ZNF446: variants seen among roughly 807,000 people sequenced by gnomAD.
The protein encoded by ZNF446 is zinc finger protein 446.
In ZNF446, 42 loss-of-function variants were observed where a neutral mutation model predicts 34.0. The observed-to-expected ratio is 1.23, with a 90% CI of 0.96 to 1.60. The LOEUF (loss-of-function observed/expected upper bound fraction) is 1.60. Ranked by LOEUF, ZNF446 falls within the 40% of genes most tolerant of loss-of-function variation. The pLI, the probability that ZNF446 is intolerant of heterozygous loss-of-function variation, is 0.00. For synonymous variants in ZNF446, 315 were observed against 251.0 expected (o/e 1.25, Z -2.41); for missense variants, 650 against 600.2 (o/e 1.08, Z -0.87).
downstream of ZNF446, among the ~76,000 whole-genome samples, chr19:58,484,272 A>T (rs1010278967): frequency 1.0e-4 from 8 of 80,190 alleles, no homozygotes; most frequent in Non-Finnish European, 2.1e-4. Context: ...CCCCATCTCT[A>T]AAAAAAAAAA....
chr19:58,488,710 G>C, the ZNF446 span, among the ~76,000 whole-genome samples: 3 of 151,904 alleles, frequency 2.0e-5, no homozygotes, highest in Non-Finnish European at 2.9e-5. Flanking sequence ...AATTAGCCGA[G>C]CTTGGTAGCA....
At chr19:58,489,530 C>T in the ZNF446 span, among the ~76,000 whole-genome samples, 2 of 152,190 alleles carry the variant, frequency 1.3e-5, no homozygotes, top group African/African-American at 4.8e-5. Flanking sequence ...CCTTGTCTCC[C>T]GCACAGCTGG....
At chr19:58,476,664 A>G (rs1014808669) in intron 1 of ZNF446, among the ~76,000 whole-genome samples, 160 bp downstream of exon 1, 33 of 152,106 alleles carry the variant, frequency 2.2e-4, no homozygotes, top group Middle Eastern at 3.4e-3. Context: ...CGCTGTGGTC[A>G]GCGAGCACGA....
downstream of ZNF446, among the ~76,000 whole-genome samples, chr19:58,482,511 C>A (rs935615348): frequency 2.0e-5 from 3 of 152,100 alleles, no homozygotes; most frequent in African/African-American, 7.2e-5. Flanking sequence ...CGGAAGGAGC[C>A]CTCGCCAGCT....
intron 4 of ZNF446, among the ~76,000 whole-genome samples, chr19:58,478,840 G>C (rs948855921): frequency 1.3e-5 from 2 of 151,966 alleles, no homozygotes; most frequent in African/African-American, 4.8e-5. Flanking sequence ...AGCTGGGGAG[G>C]GGAGAAGATG....
chr19:58,488,664 A>T, the ZNF446 span, among the ~76,000 whole-genome samples: 3 of 152,002 alleles, frequency 2.0e-5, no homozygotes, highest in Non-Finnish European at 4.4e-5. Context: ...ATCCTGGCTA[A>T]CATGGTGGAA....
At position 58,477,483 on chromosome 19, in the gene ZNF446, C is replaced by T; in HGVS notation, c.265C>T (p.Gln89Ter). 6.2e-7 allele frequency: 1 copy of T among 1,613,544 alleles called. No homozygotes were observed. Among genetic ancestry groups the T allele is most frequent in the Non-Finnish European group, 8.5e-7 (1 of 1,179,992 alleles). Residue 89 changes from glutamine (Q) to a stop codon, truncating the protein, a stop_gained, in exon 2 of 7, where the codon CAG (glutamine) becomes TAG (stop). Transcript: ENST00000594369. LOFTEE classifies it high-confidence loss of function. The stretch of plus-strand genomic sequence containing the variant: ...CGAGATCCAGGCCTGGGTGCGCGGT[C>T]AGCGGCCAGGCAGTCCTGAGGAGGC... ...PPEIQAWVRG[Q>*]RPGSPEEAAA...
At chr19:58,482,654 C>T (rs1001247041), downstream of ZNF446, among the ~76,000 whole-genome samples, 2 of 152,186 alleles carry the variant, frequency 1.3e-5, no homozygotes, top group African/African-American at 2.4e-5. Context: ...GGGAGGCTCT[C>T]CTCAGAGGCC....
In ZNF446 at chr19:58,478,154, C is replaced by T; in HGVS notation, c.600C>T (p.Ser200=). 1.2e-6 allele frequency: 2 copies of T among 1,614,068 alleles called. No homozygotes were observed. Among genetic ancestry groups the T allele is most frequent in the Middle Eastern group, 1.6e-4 (1 of 6,062 alleles). Residue 200 remains serine (S), a synonymous_variant, in exon 4 of 7, where the codon TCC becomes TCT. Transcript: ENST00000594369. ...ACCATGGACACCAAGAACCAGCCTC[C>T]ACATCCTTCCACCCACCCAGGATTC... The part of the protein sequence containing the change: ...EGNHGHQEPA[S]TSFHPPRIQE...
At chr19:58,481,857 A>G (rs2053142613), downstream of ZNF446, among the ~76,000 whole-genome samples, 3 of 152,096 alleles carry the variant, frequency 2.0e-5, no homozygotes, top group Non-Finnish European at 2.9e-5. Context: ...GCGGTGGCAC[A>G]ATCTCGGCTC....
intron 1 of ZNF446, among the ~76,000 whole-genome samples, 180 bp from the exon 2 acceptor site, chr19:58,476,999 C>T (rs2053092073): frequency 1.3e-5 from 2 of 152,136 alleles, no homozygotes; most frequent in Admixed American, 1.3e-4. Context: ...CTCCTGCTCT[C>T]ATTTGCCATC....
In ZNF446 at chr19:58,477,689, AGGAACCACTTG is replaced by A. The variant is rs770608084; in HGVS notation, c.399_409del (p.Leu135ProfsTer52). 6 of 1,613,788 alleles carry A rather than the reference AGGAACCACTTG, an allele frequency of 3.7e-6. No homozygotes were observed. The South Asian group carries it at 6.6e-5, about 18-fold the overall frequency. Reference sequence around the variant, plus strand: ...GTGCTCCCTGCAGCCCAGAAGACAGAGGAACCACTTGGGAGCCCCCACCCCTCAGGGACAGT... The same window carrying A: ...GTGCTCCCTGCAGCCCAGAAGACAGAGGAGCCCCCACCCCTCAGGGACAGT... On this transcript the variant is annotated frameshift_variant, in exon 3 of 7. Transcript: ENST00000594369. LOFTEE classifies it high-confidence loss of function.
rs2053097014 is a variant in ZNF446 at position 58,477,386 on chromosome 19, G to A, written c.168G>A (p.Gln56=). The A allele has an allele frequency of 1.2e-6, 2 of 1,613,212 alleles. No individual in the cohort carries two copies. Among genetic ancestry groups the A allele is most frequent in the African/African-American group, 1.3e-5 (1 of 74,900 alleles). The part of the protein sequence containing the change: ...RLRELCCQWL[Q]PEAHSKEQML... Reference sequence around the variant, plus strand: ...GTGAGCTGTGTTGCCAGTGGCTGCAGCCTGAGGCACACTCCAAGGAGCAGA... The same window carrying A: ...GTGAGCTGTGTTGCCAGTGGCTGCAACCTGAGGCACACTCCAAGGAGCAGA... The change falls in exon 2 of 7, where the codon CAG becomes CAA. Residue 56 remains glutamine, a synonymous_variant. Coordinates refer to ENST00000594369, the MANE Select transcript of ZNF446 (RefSeq NM_017908.4).
rs760735773 is a variant in ZNF446 at position 58,480,737 on chromosome 19, A to G, written c.*11A>G. On this transcript the variant is annotated 3_prime_UTR_variant, in exon 7 of 7. Coordinates refer to ENST00000594369, the MANE Select transcript of ZNF446 (RefSeq NM_017908.4). The surrounding 1 kb of genome is among the most constrained non-coding windows in gnomAD (Gnocchi z 7.2). ...CCGGAGGTTCCATGAGCAGCCAGAC[A>G]GCACAGTCCCTCGGGGCCTCGGTGT... The G allele has an allele frequency of 1.0e-5, 16 of 1,595,412 alleles. No homozygotes were observed. The East Asian group carries it at 1.3e-4, about 13-fold the overall frequency.
intron 4 of ZNF446, 65 bp from the exon 5 acceptor site, chr19:58,479,578 A>G (rs2053118277): frequency 1.3e-6 from 2 of 1,556,594 alleles, no homozygotes; most frequent in East Asian, 4.5e-5. Context: ...AATAGGTAAG[A>G]ATGTGAACCA....
the ZNF446 span, among the ~76,000 whole-genome samples, chr19:58,487,692 C>T: frequency 2.1e-3 from 315 of 152,036 alleles, 2 homozygotes; most frequent in African/African-American, 7.0e-3. Flanking sequence ...GCCTGTAATC[C>T]CAGCTACTCA....
chr19:58,477,911 G>A (rs2053103591), intron 3 of ZNF446, 85 bp downstream of exon 3: 5 of 1,404,270 alleles, frequency 3.6e-6, no homozygotes, highest in Non-Finnish European at 4.7e-6. Context: ...CAGGAGAGGT[G>A]TGTCAAGGCT....
At chr19:58,485,877 C>G (rs1042036609), downstream of ZNF446, among the ~76,000 whole-genome samples, 1 of 151,972 alleles carries the variant, frequency 6.6e-6, no homozygotes, top group African/African-American at 2.4e-5. Context: ...CCACACCCAG[C>G]CTGATATTTA....
intron 2 of ZNF446, 27 bp from the exon 3 acceptor site, chr19:58,477,610 C>T (rs745689803): frequency 6.2e-7 from 1 of 1,613,320 alleles, no homozygotes. Context: ...CTGGCTAGAG[C>T]CATTGTGACC....
Sources: allele counts gnomAD v4.1 joint callset (sites outside exome capture counted in the v4.1 genomes callset), GRCh38; gene constraint gnomAD v4.1.1; non-coding constraint Gnocchi (gnomAD v3.1); transcripts MANE v1.5; gene names NCBI Gene and HGNC (gene_info 2026-07-23, HGNC 2026-07-21).